DYNC2I1: variants seen among roughly 807,000 people sequenced by gnomAD.
The protein encoded by DYNC2I1 is dynein 2 intermediate chain 1, also known as cytoplasmic dynein 2 intermediate chain 1.
In DYNC2I1, 89 loss-of-function variants were observed where a neutral mutation model predicts 133.4. The ratio of observed to expected loss-of-function variants is 0.67; its 90% CI spans 0.56 to 0.80. DYNC2I1 has a LOEUF of 0.80. Among genes scored for constraint, DYNC2I1 ranks in the 30% least tolerant of loss-of-function variants. DYNC2I1 has a pLI of 0.00. For missense variants in DYNC2I1, 1,291 were observed against 1,314.5 expected, an observed-to-expected ratio of 0.98 and a Z score of 0.28; for synonymous variants, 504 against 484.3, an observed-to-expected ratio of 1.04 and a Z score of -0.54.
chr7:158,890,004 T>TAA (rs1776917017), intron 7 of DYNC2I1, among the ~76,000 whole-genome samples: 1 of 59,408 alleles, frequency 1.7e-5, no homozygotes. Context: ...AGACTCCTTC[T>TAA]CAAAAAAAAA....
chr7:158,915,723 C>G lies in DYNC2I1; in HGVS notation c.1791+1402C>G, dbSNP rs867753493. ...GACATTAAGGATGATTGTGAAACGT[C>G]GACACGCTGGTTGACATTAAGGATG... On this transcript the variant is annotated intron_variant, in intron 14 of 24. Coordinates refer to ENST00000407559, the MANE Select transcript of DYNC2I1 (RefSeq NM_018051.5). Among the ~76,000 whole-genome samples, 220 of 124,206 alleles carry G rather than the reference C, an allele frequency of 1.8e-3. 1 individual carries two copies. The highest frequency in any genetic ancestry group is 5.4e-3 in the African/African-American group (178 of 32,964). The allele number at this position is 124,206 out of a possible 152,430, so 81.5% of individuals were successfully genotyped here. A position where few individuals can be genotyped will look rare whatever the true frequency, so the allele number is the denominator to read the frequency against.
At chr7:158,943,035 C>A (rs1206518514) in intron 24 of DYNC2I1, among the ~76,000 whole-genome samples, 1 of 152,102 alleles carries the variant, frequency 6.6e-6, no homozygotes, top group Non-Finnish European at 1.5e-5. Context: ...TTAATAAATT[C>A]TCCTACTGTG....
At position 158,934,565 on chromosome 7, in the gene DYNC2I1, T is replaced by A. The variant is rs1235754484; in HGVS notation, c.2778+16T>A. 1.3e-6 allele frequency: 2 copies of A among 1,549,714 alleles called. No homozygotes were observed. Among genetic ancestry groups the A allele is most frequent in the Non-Finnish European group, 1.7e-6 (2 of 1,146,362 alleles). On this transcript the variant is annotated intron_variant, in intron 23 of 24. Transcript: ENST00000407559. ...AATATTTTTGGTAAGAAAGTTTGTT[T>A]TTCAGAGCTCCAATTCTTCTTTTTT...
At position 158,856,861 on chromosome 7, in the gene DYNC2I1, G is replaced by A. The variant is rs1217697108; in HGVS notation, c.15+111G>A. On this transcript the variant is annotated intron_variant, in intron 1 of 24. Coordinates refer to ENST00000407559, the MANE Select transcript of DYNC2I1 (RefSeq NM_018051.5). ...CCTTTGCGCAGCGGTTCTCTCGGCC[G>A]GGCCGGGGCTTCCCGGAGGAGCCGC... 5 of 1,177,272 alleles carry A rather than the reference G, an allele frequency of 4.2e-6. No homozygotes were observed. In the African/African-American group the frequency reaches 7.9e-5, roughly 19 times the overall value. 72.9% of individuals were successfully genotyped at this position (1,177,272 alleles called of 1,614,324 possible). A position where few individuals can be genotyped will look rare whatever the true frequency, so the allele number is the denominator to read the frequency against.
rs1451314437 is a variant in DYNC2I1 at position 158,945,149 on chromosome 7, T to C, written c.3003-432T>C. On this transcript the variant is annotated intron_variant, in intron 24 of 24. Coordinates refer to ENST00000407559, the MANE Select transcript of DYNC2I1 (RefSeq NM_018051.5). This position sits in a 1 kb window ranked among gnomAD's most constrained non-coding sequence, Gnocchi z 4.1. ...GTGCTGGTCCCATGGAGGCCAGGAG[T>C]GGAGGGGTCCGGGGCTCCAGGGTGA... Among the ~76,000 whole-genome samples the C allele has an allele frequency of 2.0e-5, 3 of 151,540 alleles. No individual in the cohort carries two copies. Among genetic ancestry groups the C allele is most frequent in the African/African-American group, 7.3e-5 (3 of 41,170 alleles).
intron 8 of DYNC2I1, among the ~76,000 whole-genome samples, chr7:158,898,508 TCTTTA>T (rs1845944585): frequency 2.6e-5 from 4 of 152,372 alleles, no homozygotes; most frequent in South Asian, 4.1e-4. Flanking sequence ...ATGTTGACTC[TCTTTA>T]CTTTGAAGTG....
intron 3 of DYNC2I1, among the ~76,000 whole-genome samples, chr7:158,875,914 G>A (rs957093996): frequency 6.6e-6 from 1 of 152,218 alleles, no homozygotes; most frequent in African/African-American, 2.4e-5. Context: ...TATGAGTTTG[G>A]TCTGGTGCCC....
intron 1 of DYNC2I1, among the ~76,000 whole-genome samples, chr7:158,867,045 C>T (rs576107523): frequency 3.8e-5 from 5 of 131,272 alleles, no homozygotes; most frequent in Middle Eastern, 3.4e-3. Flanking sequence ...TTGAAACAAA[C>T]CCCCAAATGC....
chr7:158,883,946 G>A (rs1844333492), intron 5 of DYNC2I1, among the ~76,000 whole-genome samples: 1 of 151,586 alleles, frequency 6.6e-6, no homozygotes, highest in African/African-American at 2.4e-5. Flanking sequence ...TTACAAGCGT[G>A]AGCCACCGCG....
chr7:158,857,169 G>A (rs145821743), intron 1 of DYNC2I1, among the ~76,000 whole-genome samples: 264 of 152,298 alleles, frequency 1.7e-3, no homozygotes, highest in Middle Eastern at 6.8e-3. Flanking sequence ...GTGCAGCCTG[G>A]GTGCTTGAGT....
At position 158,945,781 on chromosome 7, in the gene DYNC2I1, G is replaced by A. The variant is rs750193301; in HGVS notation, c.*2G>A. 3.2e-5 allele frequency: 50 copies of A among 1,542,708 alleles called. No homozygotes were observed. Among genetic ancestry groups the A allele is most frequent in the Non-Finnish European group, 3.8e-5 (43 of 1,145,424 alleles). On this transcript the variant is annotated 3_prime_UTR_variant, in exon 25 of 25. Transcript: ENST00000407559. The surrounding 1 kb of genome is among the most constrained non-coding windows in gnomAD (Gnocchi z 4.1). ...CCAGAGGGAAAACTGCACAAGTAGCGGGTGTGGCTGAGAGGACCGCGTTTC... is the reference window on the plus strand; with the variant it reads ...CCAGAGGGAAAACTGCACAAGTAGCAGGTGTGGCTGAGAGGACCGCGTTTC...
chr7:158,859,528 A>T (rs1364980423), intron 1 of DYNC2I1, among the ~76,000 whole-genome samples: 17 of 152,020 alleles, frequency 1.1e-4, no homozygotes, highest in Admixed American at 1.1e-3. Flanking sequence ...TTTGAGACAG[A>T]GTCTCGCTCT....
the DYNC2I1 span, among the ~76,000 whole-genome samples, chr7:158,841,320 A>G: frequency 1.3e-5 from 2 of 150,220 alleles, no homozygotes; most frequent in Non-Finnish European, 3.0e-5. Context: ...AATTCTCCCC[A>G]CCTCACTCAG....
At chr7:158,870,004 T>TTA (rs1425608981) in intron 2 of DYNC2I1, 96 bp downstream of exon 2, 15 of 1,043,600 alleles carry the variant, frequency 1.4e-5, no homozygotes, top group Admixed American at 1.3e-4. Context: ...ATAACTTTGG[T>TTA]TATGTGTGCC....
intron 10 of DYNC2I1, chr7:158,904,369 T>C (rs1218731320): frequency 6.6e-6 from 1 of 152,258 alleles, no homozygotes; most frequent in Non-Finnish European, 1.5e-5. Flanking sequence ...TTGGACTACT[T>C]GGTTATAAAC....
At chr7:158,921,280 C>T (rs1321413704) in intron 15 of DYNC2I1, among the ~76,000 whole-genome samples, 6 of 152,100 alleles carry the variant, frequency 3.9e-5, no homozygotes, top group Admixed American at 1.3e-4. Flanking sequence ...CAGGTCTGAG[C>T]GGTGGGCACA....
At chr7:158,886,135 T>G (rs190520165) in intron 6 of DYNC2I1, among the ~76,000 whole-genome samples, 13 of 151,798 alleles carry the variant, frequency 8.6e-5, no homozygotes, top group African/African-American at 1.2e-4. Flanking sequence ...TACAACTCTT[T>G]TTATTTTTTG....
chr7:158,923,873 T>A, intron 17 of DYNC2I1, 140 bp downstream of exon 17: 1 of 1,061,124 alleles, frequency 9.4e-7, no homozygotes, highest in South Asian at 2.0e-5. Flanking sequence ...AAAGAGGCAT[T>A]TGATAAATAC....
In DYNC2I1 at chr7:158,911,640, C is replaced by T. The variant is rs754022062; in HGVS notation, c.1551C>T (p.Asp517=). Residue 517 remains aspartate, a synonymous_variant, in exon 12 of 25, where the codon GAC becomes GAT. Coordinates refer to ENST00000407559, the MANE Select transcript of DYNC2I1 (RefSeq NM_018051.5). The part of the protein sequence containing the change: ...LLDLPPVNEY[D]MYIRNFGKKN... The stretch of plus-strand genomic sequence containing the variant: ...ATCTACCACCAGTAAATGAATATGA[C>T]ATGTATATCAGAAACTTTGGGAAAA... 6.2e-7 allele frequency: 1 copy of T among 1,612,144 alleles called. No individual in the cohort carries two copies. The highest frequency in any genetic ancestry group is 1.1e-5 in the South Asian group (1 of 90,412).
Sources: allele counts gnomAD v4.1 joint callset (sites outside exome capture counted in the v4.1 genomes callset), GRCh38; gene constraint gnomAD v4.1.1; non-coding constraint Gnocchi (gnomAD v3.1); transcripts MANE v1.5; gene names NCBI Gene and HGNC (gene_info 2026-07-23, HGNC 2026-07-21).